The following SNAPC1 variants were observed in gnomAD, a reference collection of about 807,000 sequenced individuals.
SNAPC1 encodes the protein small nuclear RNA activating complex polypeptide 1, also known as snRNA-activating protein complex subunit 1.
Under a neutral mutation model 50.1 loss-of-function variants are expected in SNAPC1, and 42 were observed. The observed-to-expected ratio is 0.84, with a 90% CI of 0.65 to 1.08. The LOEUF (loss-of-function observed/expected upper bound fraction) is 1.08. Ranked by LOEUF, SNAPC1 falls within the 50% of genes least tolerant of loss-of-function variation. The pLI is 0.00. For missense variants in SNAPC1, 477 were observed against 427.3 expected (o/e 1.12, Z -1.02); for synonymous variants, 164 against 144.2 (o/e 1.14, Z -0.98).
intron 4 of SNAPC1, among the ~76,000 whole-genome samples, chr14:61,773,313 A>G (rs1038937769): frequency 6.6e-6 from 1 of 151,576 alleles, no homozygotes; most frequent in African/African-American, 2.4e-5. Flanking sequence ...TACTCACCAT[A>G]TACCTGGAAC....
Position 61,778,910 on chromosome 14 carries a change from G to T in SNAPC1, c.825G>T (p.Gln275His). 1 of 1,506,514 alleles carries T rather than the reference G, an allele frequency of 6.6e-7. No homozygotes were observed. The highest frequency in any genetic ancestry group is 2.3e-5 in the East Asian group (1 of 42,666). 93.3% of individuals were successfully genotyped at this position (1,506,514 alleles called of 1,614,324 possible). The change falls in exon 7 of 10, where the codon CAG (glutamine) becomes CAT (histidine). Residue 275 changes from glutamine (Q) to histidine (H), a missense_variant and splice_region_variant. Physicochemically the swap from Gln to His is conservative, Grantham distance 24. Coordinates refer to ENST00000216294, the MANE Select transcript of SNAPC1 (RefSeq NM_003082.4). ...CAAAGGCCTTTTCAGTTGTCATACA[G>T]GTAAGTTATTCTTTAATAAGGTAAT... ...IKSKAFSVVI[Q>H]ASKSRRHRQV...
At chr14:61,774,918 C>G (rs1008301529) in intron 4 of SNAPC1, among the ~76,000 whole-genome samples, 9 of 152,074 alleles carry the variant, frequency 5.9e-5, no homozygotes, top group Admixed American at 5.2e-4. Flanking sequence ...CCACCTTGGC[C>G]TCCAAGAGTG....
intron 1 of SNAPC1, among the ~76,000 whole-genome samples, chr14:61,763,457 A>G (rs2044923301): frequency 7.3e-6 from 1 of 137,872 alleles, no homozygotes; most frequent in Non-Finnish European, 1.5e-5. Flanking sequence ...AGTCCCCTCC[A>G]TGCACTCACT....
rs2045052330 is a variant in SNAPC1, at chr14:61,778,828, CCTT to C, written c.763-16_763-14del. Reference sequence around the variant, plus strand: ...TGTTTGTGTGTTTTAACTTTTTTTTCCTTCTTATTTTACATCCAGAGATGTGAA... The same window carrying C: ...TGTTTGTGTGTTTTAACTTTTTTTTCCTTATTTTACATCCAGAGATGTGAA... On this transcript the variant is annotated splice_polypyrimidine_tract_variant and intron_variant, in intron 6 of 9. Coordinates refer to ENST00000216294, the MANE Select transcript of SNAPC1 (RefSeq NM_003082.4). 3 of 1,502,152 alleles carry C rather than the reference CCTT, an allele frequency of 2.0e-6. No individual in the cohort carries two copies. Among genetic ancestry groups the C allele is most frequent in the African/African-American group, 2.9e-5 (2 of 70,072 alleles). The allele number at this position is 1,502,152 out of a possible 1,614,324, so 93.1% of individuals were successfully genotyped here.
chr14:61,778,501 C>T (rs963250636), intron 6 of SNAPC1, among the ~76,000 whole-genome samples: 2 of 152,176 alleles, frequency 1.3e-5, no homozygotes, highest in African/African-American at 4.8e-5. Flanking sequence ...TTTCATCCAT[C>T]TTAGTGGATG....
chr14:61,771,942 T>G (rs568306786), intron 4 of SNAPC1, among the ~76,000 whole-genome samples: 1 of 152,272 alleles, frequency 6.6e-6, no homozygotes, highest in African/African-American at 2.4e-5. Flanking sequence ...ATAGCGGTTG[T>G]GGAGAATGGA....
intron 3 of SNAPC1, among the ~76,000 whole-genome samples, chr14:61,768,027 G>A (rs1317677318): frequency 6.6e-6 from 1 of 152,116 alleles, no homozygotes; most frequent in Non-Finnish European, 1.5e-5. Flanking sequence ...TGATCCACCC[G>A]CCTCAGCCTC....
At chr14:61,768,509 C>G in intron 3 of SNAPC1, 127 bp from the exon 4 acceptor site, 1 of 570,036 alleles carries the variant, frequency 1.8e-6, no homozygotes. Context: ...ACAGATGTAC[C>G]CTTACAGCTG....
At chr14:61,771,698 G>A (rs559426431) in intron 4 of SNAPC1, among the ~76,000 whole-genome samples, 1 of 152,266 alleles carries the variant, frequency 6.6e-6, no homozygotes, top group South Asian at 2.1e-4. Context: ...AGGAGAGGTA[G>A]CGAGCAAGGT....
Position 61,766,900 on chromosome 14 carries a change from G to C in SNAPC1, c.153G>C (p.Lys51Asn). 6.2e-7 allele frequency: 1 copy of C among 1,609,356 alleles called. No individual in the cohort carries two copies. The highest frequency in any genetic ancestry group is 8.5e-7 in the Non-Finnish European group (1 of 1,176,084). ...GTGGCAGAATGAGAAATTTAGAAAA[G>C]AACATGTTTACAAAAGAAGCTTTAG... is the stretch of plus-strand genomic sequence containing the variant. ...IFCGRMRNLE[K>N]NMFTKEALAL... The change falls in exon 2 of 10, where the codon AAG becomes AAC. Residue 51 changes from lysine to asparagine, a missense_variant. Transcript: ENST00000216294.
chr14:61,793,661 C>CTTTTTTTTTTTTTT (rs71117855), intron 9 of SNAPC1, among the ~76,000 whole-genome samples: 4 of 130,592 alleles, frequency 3.1e-5, no homozygotes, highest in Non-Finnish European at 3.1e-5. Context: ...TTCTTTTTTT[C>CTTTTTTTTTTTTTT]TTTTTTTTTT....
At chr14:61,794,853 A>G (rs1230169814) in intron 9 of SNAPC1, 96 bp from the exon 10 acceptor site, 1 of 805,150 alleles carries the variant, frequency 1.2e-6, no homozygotes, top group Non-Finnish European at 2.1e-6. Flanking sequence ...AATGTGTATT[A>G]TCAATTAGGT....
At chr14:61,770,190 A>G (rs1393647052) in intron 4 of SNAPC1, among the ~76,000 whole-genome samples, 1 of 151,340 alleles carries the variant, frequency 6.6e-6, no homozygotes, top group Non-Finnish European at 1.5e-5. Flanking sequence ...GACAGGGATC[A>G]GATCTTAGAT....
intron 1 of SNAPC1, among the ~76,000 whole-genome samples, chr14:61,766,059 T>C (rs1232792519): frequency 2.6e-5 from 4 of 152,208 alleles, no homozygotes; most frequent in South Asian, 4.1e-4. Flanking sequence ...TAAGACTAAA[T>C]AGTAACTTAT....
chr14:61,795,779 A>C lies in SNAPC1; in HGVS notation c.*796A>C, dbSNP rs1342630429. The C allele has an allele frequency of 6.6e-6, 1 of 151,272 alleles. No individual in the cohort carries two copies. The highest frequency in any genetic ancestry group is 2.4e-5 in the African/African-American group (1 of 41,272). 9.4% of individuals were successfully genotyped at this position (151,272 alleles called of 1,614,324 possible). A position where few individuals can be genotyped will look rare whatever the true frequency, so the allele number is the denominator to read the frequency against. On this transcript the variant is annotated 3_prime_UTR_variant, in exon 10 of 10. Coordinates refer to ENST00000216294, the MANE Select transcript of SNAPC1 (RefSeq NM_003082.4). Reference sequence around the variant, plus strand: ...GTTAATTTCTTGTTCCAGACATTTTAATAGAGATTGCTTGAGCCATGTTGT... The same window carrying C: ...GTTAATTTCTTGTTCCAGACATTTTCATAGAGATTGCTTGAGCCATGTTGT...
At chr14:61,788,679 A>G (rs2045131505) in intron 8 of SNAPC1, among the ~76,000 whole-genome samples, 1 of 152,188 alleles carries the variant, frequency 6.6e-6, no homozygotes. Context: ...ATTGATAATG[A>G]AAGTGTGAGG....
chr14:61,768,258 G>A (rs988103874), intron 3 of SNAPC1, among the ~76,000 whole-genome samples: 1 of 152,142 alleles, frequency 6.6e-6, no homozygotes, highest in Non-Finnish European at 1.5e-5. Context: ...CATCAGAGGA[G>A]GTTACTGAAA....
chr14:61,789,477 T>C lies in SNAPC1; in HGVS notation c.977-3330T>C, dbSNP rs540100682. Among the ~76,000 whole-genome samples the C allele has an allele frequency of 2.6e-5, 4 of 152,264 alleles. No homozygotes were observed. The South Asian group carries it at 6.2e-4, about 24-fold the overall frequency. On this transcript the variant is annotated intron_variant, in intron 8 of 9. Transcript: ENST00000216294. ...TGGTTAATTTTCAAGGATAGTATAATGAGAAACTACCCATAAATGTCTGTA... is the reference window on the plus strand; with the variant it reads ...TGGTTAATTTTCAAGGATAGTATAACGAGAAACTACCCATAAATGTCTGTA...
At chr14:61,790,400 A>G (rs1423688634) in intron 8 of SNAPC1, among the ~76,000 whole-genome samples, 1 of 152,144 alleles carries the variant, frequency 6.6e-6, no homozygotes, top group Non-Finnish European at 1.5e-5. Flanking sequence ...CAGTGGCACG[A>G]TCTCGGCTCA....
Sources: allele counts gnomAD v4.1 joint callset (sites outside exome capture counted in the v4.1 genomes callset), GRCh38; gene constraint gnomAD v4.1.1; transcripts MANE v1.5; gene names NCBI Gene and HGNC (gene_info 2026-07-23, HGNC 2026-07-21).